Variants in THOC7 observed in about 807,000 individuals in gnomAD.
The protein encoded by THOC7 is THO complex subunit 7.
THOC7 carries 22 observed loss-of-function variants against 33.1 expected under a neutral mutation model. The observed-to-expected ratio is 0.66, with a 90% CI of 0.47 to 0.95. THOC7 has a LOEUF of 0.95. THOC7 is among the 40% of genes least tolerant of loss of function. The pLI is 0.00. For synonymous variants in THOC7, 77 were observed against 76.8 expected (o/e 1.00, Z -0.01); for missense variants, 184 against 245.3 (o/e 0.75, Z 1.67).
In THOC7 at chr3:63,845,021, A is replaced by C. The variant is rs917300712; in HGVS notation, c.20-5248T>G. 8 of 698,500 alleles carry C rather than the reference A, an allele frequency of 1.1e-5. No homozygotes were observed. In the African/African-American group the frequency reaches 1.2e-4, roughly 11 times the overall value. The allele number at this position is 698,500 out of a possible 1,614,324, so 43.3% of individuals were successfully genotyped here. ...ATTTGTTGTAATTTTGTCTCTTGACAGATGACCACAAAAGGACCTGGAGAC... is the reference window on the plus strand; with the variant it reads ...ATTTGTTGTAATTTTGTCTCTTGACCGATGACCACAAAAGGACCTGGAGAC... On this transcript the variant is annotated intron_variant, in intron 1 of 7. Coordinates refer to ENST00000295899, the MANE Select transcript of THOC7 (RefSeq NM_025075.4).
chr3:63,842,956 A>AT lies in THOC7; in HGVS notation c.20-3184dup, dbSNP rs529498406. On this transcript the variant is annotated intron_variant, in intron 1 of 7. Coordinates refer to ENST00000295899, the MANE Select transcript of THOC7 (RefSeq NM_025075.4). ...GCCATCATGCCTAGCTAATTTTTGTATTTTTTTTTTTTATAGAGACAGAGT... is the reference window on the plus strand; with the variant it reads ...GCCATCATGCCTAGCTAATTTTTGTATTTTTTTTTTTTTATAGAGACAGAGT... Among the ~76,000 whole-genome samples the AT allele has an allele frequency of 1.9e-3, 267 of 143,726 alleles. 1 individual carries two copies. Among genetic ancestry groups the AT allele is most frequent in the South Asian group, 2.0e-3 (9 of 4,526 alleles). 94.3% of individuals were successfully genotyped at this position (143,726 alleles called of 152,430 possible).
chr3:63,841,572 A>G (rs932187250), intron 1 of THOC7, among the ~76,000 whole-genome samples: 2 of 152,208 alleles, frequency 1.3e-5, no homozygotes, highest in Non-Finnish European at 2.9e-5. Flanking sequence ...TTTAAAATAT[A>G]TTGTGATAAT....
At chr3:63,848,816 A>T (rs1575811229) in intron 1 of THOC7, among the ~76,000 whole-genome samples, 1 of 151,992 alleles carries the variant, frequency 6.6e-6, no homozygotes, top group Admixed American at 6.5e-5. Flanking sequence ...TGTTTTACAG[A>T]TTTAAGGAAA....
At chr3:63,860,228 A>G (rs1702183621) in intron 1 of THOC7, among the ~76,000 whole-genome samples, 2 of 151,502 alleles carry the variant, frequency 1.3e-5, no homozygotes, top group African/African-American at 4.9e-5. Context: ...ATTCTGTAGT[A>G]TAGATCATGT....
intron 1 of THOC7, among the ~76,000 whole-genome samples, chr3:63,849,437 G>C (rs992387837): frequency 6.6e-6 from 1 of 152,126 alleles, no homozygotes; most frequent in African/African-American, 2.4e-5. Context: ...TATAGTGAAT[G>C]AGTAAAGGTT....
At chr3:63,853,781 G>A (rs1237408074) in intron 1 of THOC7, among the ~76,000 whole-genome samples, 1 of 151,904 alleles carries the variant, frequency 6.6e-6, no homozygotes, top group Non-Finnish European at 1.5e-5. Flanking sequence ...AGTGGCGGGC[G>A]CCTGTAGTCC....
At chr3:63,835,421 C>A in intron 5 of THOC7, 31 bp from the exon 6 acceptor site, 1 of 1,603,414 alleles carries the variant, frequency 6.2e-7, no homozygotes. Flanking sequence ...TTACATTTTG[C>A]TGAATGGGGG....
chr3:63,848,489 C>T (rs937882197), intron 1 of THOC7: 5 of 152,190 alleles, frequency 3.3e-5, no homozygotes, highest in Non-Finnish European at 5.9e-5. Context: ...ATACATCTTA[C>T]GTGTATTCAT....
At chr3:63,851,346 T>C (rs1367863111) in intron 1 of THOC7, among the ~76,000 whole-genome samples, 1 of 152,186 alleles carries the variant, frequency 6.6e-6, no homozygotes, top group Non-Finnish European at 1.5e-5. Context: ...GGTTACACTC[T>C]CACCTACATA....
At chr3:63,841,908 C>T (rs1194051653) in intron 1 of THOC7, among the ~76,000 whole-genome samples, 1 of 152,154 alleles carries the variant, frequency 6.6e-6, no homozygotes, top group Non-Finnish European at 1.5e-5. Flanking sequence ...TATCTGTGTT[C>T]TTCTCAAGTC....
At chr3:63,863,310 C>G (rs1433334654) in intron 1 of THOC7, 3 of 412,864 alleles carry the variant, frequency 7.3e-6, no homozygotes, top group Non-Finnish European at 9.8e-6. Context: ...CCCACTCCCT[C>G]CCAGACCTCC....
In THOC7 at chr3:63,863,796, G is replaced by C; in HGVS notation, c.-6C>G. 1 of 1,246,944 alleles carries C rather than the reference G, an allele frequency of 8.0e-7. No homozygotes were observed. The highest frequency in any genetic ancestry group is 1.0e-6 in the Non-Finnish European group (1 of 1,003,686). 77.2% of individuals were successfully genotyped at this position (1,246,944 alleles called of 1,614,324 possible). On this transcript the variant is annotated 5_prime_UTR_variant, in exon 1 of 8. Transcript: ENST00000295899. Reference sequence around the variant, plus strand: ...CCGTCAGTCACGGCTCCCATGGCGTGCGCGGCGGCGGCGGCGGCGGCGGCG... The same window carrying C: ...CCGTCAGTCACGGCTCCCATGGCGTCCGCGGCGGCGGCGGCGGCGGCGGCG...
chr3:63,837,864 T>C (rs1373767359), intron 4 of THOC7, 112 bp downstream of exon 4: 8 of 884,496 alleles, frequency 9.0e-6, no homozygotes, highest in Non-Finnish European at 1.3e-5. Context: ...TTTGGATTTT[T>C]TTTAATCCAG....
At chr3:63,839,507 G>A in intron 2 of THOC7, 149 bp downstream of exon 2, 5 of 723,096 alleles carry the variant, frequency 6.9e-6, no homozygotes, top group Non-Finnish European at 2.4e-6. Flanking sequence ...GAGAAGAAAA[G>A]GCCAAGAAAA....
At chr3:63,841,395 C>T (rs1030853777) in intron 1 of THOC7, among the ~76,000 whole-genome samples, 29 of 152,160 alleles carry the variant, frequency 1.9e-4, no homozygotes, top group Admixed American at 1.4e-3. Context: ...TTTTATAGTA[C>T]GCAGTAATTA....
At chr3:63,839,925 C>T in intron 1 of THOC7, 152 bp from the exon 2 acceptor site, 1 of 597,780 alleles carries the variant, frequency 1.7e-6, no homozygotes, top group Non-Finnish European at 2.9e-6. Context: ...AAATGGCTAG[C>T]TAAAATGGTA....
chr3:63,844,583 C>T (rs770326456), intron 1 of THOC7, among the ~76,000 whole-genome samples: 24 of 152,148 alleles, frequency 1.6e-4, no homozygotes, highest in Admixed American at 3.9e-4. Flanking sequence ...AAGAAGTGAT[C>T]AGGTCATTAG....
intron 2 of THOC7, among the ~76,000 whole-genome samples, chr3:63,838,928 T>A (rs1701695409): frequency 6.6e-6 from 1 of 152,234 alleles, no homozygotes; most frequent in Admixed American, 6.5e-5. Flanking sequence ...TGGTAGCTCA[T>A]GCCTGTAATT....
intron 2 of THOC7, among the ~76,000 whole-genome samples, chr3:63,838,740 T>G (rs866598356): frequency 1.3e-5 from 2 of 152,238 alleles, no homozygotes; most frequent in Middle Eastern, 3.2e-3. Context: ...AATGCACATT[T>G]TATTCAAACA....
Sources: gnomAD v4.1 joint callset for allele counts (sites outside exome capture counted in the v4.1 genomes callset) on GRCh38, gnomAD v4.1.1 for gene constraint, MANE v1.5 for transcripts, NCBI Gene and HGNC (gene_info 2026-07-23, HGNC 2026-07-21) for gene names.